SASH1: variants seen among roughly 807,000 people sequenced by gnomAD.
SASH1 encodes SAM and SH3 domain containing 1.
A neutral mutation model predicts 125.2 loss-of-function variants in SASH1; 44 were observed. The observed-to-expected ratio is 0.35, with a 90% CI of 0.28 to 0.45. The LOEUF (loss-of-function observed/expected upper bound fraction) is 0.45, where lower values mean the gene tolerates loss of function less well. Among genes scored for constraint, SASH1 ranks in the 20% least tolerant of loss-of-function variants. SASH1 has a pLI of 1.00. For synonymous variants in SASH1, 639 were observed against 649.1 expected (o/e 0.98, Z 0.24); for missense variants, 1,426 against 1,614.5 (o/e 0.88, Z 2.00).
chr6:148,467,376 A>G (rs968772002), intron 4 of SASH1, among the ~76,000 whole-genome samples: 2 of 151,290 alleles, frequency 1.3e-5, no homozygotes, highest in African/African-American at 4.9e-5. Context: ...ACCAATTTTA[A>G]CTTTCTTTGG....
rs1782841442 is a variant in SASH1, at chr6:148,550,849, T to G, written c.*2291T>G. The G allele has an allele frequency of 6.6e-6, 1 of 152,236 alleles. No individual in the cohort carries two copies. Among genetic ancestry groups the G allele is most frequent in the Admixed American group, 6.5e-5 (1 of 15,292 alleles). 9.4% of individuals were successfully genotyped at this position (152,236 alleles called of 1,614,324 possible). On this transcript the variant is annotated 3_prime_UTR_variant, in exon 20 of 20. Transcript: ENST00000367467. ...AGCAAAAAACCACACAAAAGTTGTG[T>G]AAGAGATGAGATAACAAAGGAGCGA...
intron 8 of SASH1, chr6:148,513,416 AT>A: frequency 1.0e-6 from 1 of 985,494 alleles, no homozygotes; most frequent in Non-Finnish European, 1.2e-6. Flanking sequence ...GAGATCTCTT[AT>A]GCTGTTTCAC....
chr6:148,320,609 A>C (rs1278360692), intron 1 of SASH1, among the ~76,000 whole-genome samples: 1 of 152,130 alleles, frequency 6.6e-6, no homozygotes, highest in Non-Finnish European at 1.5e-5. Context: ...TTTAAGTCCA[A>C]CCTCCTTCGC....
In SASH1 at chr6:148,471,465, G is replaced by A. The variant is rs575597604; in HGVS notation, c.476G>A (p.Arg159Gln). ...KKNKYFWQNF[R>Q]KNQKGIMRQT... ...AATAAGTATTTCTGGCAGAACTTCC[G>A]AAAGAACCAGAAAGGAATAATGAGA... The change falls in exon 6 of 20, where the codon CGA becomes CAA. Residue 159 changes from arginine to glutamine, a missense_variant. This residue lies in a region of SASH1 where 567 missense variants were observed against 575.6 expected (regional missense o/e 0.99). Transcript: ENST00000367467. The A allele has an allele frequency of 4.0e-6, 6 of 1,506,322 alleles. No individual in the cohort carries two copies. Among genetic ancestry groups the A allele is most frequent in the East Asian group, 2.6e-5 (1 of 38,124 alleles). 93.3% of individuals were successfully genotyped at this position (1,506,322 alleles called of 1,614,324 possible).
Position 148,519,931 on chromosome 6 carries a change from G to T in SASH1, c.1209+38G>T. The T allele has an allele frequency of 1.4e-6, 2 of 1,414,508 alleles. No individual in the cohort carries two copies. The highest frequency in any genetic ancestry group is 1.3e-5 in the South Asian group (1 of 77,260). 87.6% of individuals were successfully genotyped at this position (1,414,508 alleles called of 1,614,324 possible). A position where few individuals can be genotyped will look rare whatever the true frequency, so the allele number is the denominator to read the frequency against. ...GGTGTTTGCTTCTATGACAACCACC[G>T]TCGCAGGCACCACCTTCTGGTGTCC... On this transcript the variant is annotated intron_variant, in intron 10 of 19. Transcript: ENST00000367467. The surrounding 1 kb of genome is among the most constrained non-coding windows in gnomAD (Gnocchi z 4.8).
chr6:148,278,894 G>A (rs1285023228), intron 1 of SASH1: 1 of 152,082 alleles, frequency 6.6e-6, no homozygotes, highest in Non-Finnish European at 1.5e-5. Context: ...GCTCCCAAAT[G>A]CCAAGAAAAT....
chr6:148,452,784 C>T (rs748920689), intron 4 of SASH1, among the ~76,000 whole-genome samples: 48 of 152,242 alleles, frequency 3.2e-4, no homozygotes, highest in African/African-American at 1.1e-3. Flanking sequence ...GCTCATTAGA[C>T]GGTGCCATAC....
intron 8 of SASH1, among the ~76,000 whole-genome samples, chr6:148,496,030 T>C (rs915996982): frequency 1.3e-5 from 2 of 151,318 alleles, no homozygotes; most frequent in African/African-American, 4.9e-5. Flanking sequence ...TATTTTTTAG[T>C]AGAGACAGGG....
chr6:148,201,886 A>G, the SASH1 span, among the ~76,000 whole-genome samples: 5 of 152,088 alleles, frequency 3.3e-5, no homozygotes, highest in Non-Finnish European at 7.4e-5. Flanking sequence ...GGGATTGTGT[A>G]CTTGTGGCCC....
At chr6:148,251,966 A>C in the SASH1 span, among the ~76,000 whole-genome samples, 2 of 151,794 alleles carry the variant, frequency 1.3e-5, no homozygotes, top group Non-Finnish European at 2.9e-5. Flanking sequence ...GTTTACTGAG[A>C]ATGATGAGGA....
chr6:148,452,428 T>A (rs928375619), intron 4 of SASH1, among the ~76,000 whole-genome samples: 30 of 152,138 alleles, frequency 2.0e-4, no homozygotes, highest in African/African-American at 6.8e-4. Flanking sequence ...TGTTTTCTGC[T>A]CCAGTCTAAA....
intron 5 of SASH1, 115 bp from the exon 6 acceptor site, chr6:148,471,302 T>A: frequency 1.5e-6 from 1 of 665,662 alleles, no homozygotes; most frequent in Non-Finnish European, 2.5e-6. Flanking sequence ...TTTTGTGAAA[T>A]CAAAGTATTC....
At chr6:148,501,472 G>T (rs1018007431) in intron 8 of SASH1, among the ~76,000 whole-genome samples, 2 of 152,160 alleles carry the variant, frequency 1.3e-5, no homozygotes, top group Non-Finnish European at 2.9e-5. Context: ...CCTTGGGAAT[G>T]AGTGGGTTTG....
intron 1 of SASH1, among the ~76,000 whole-genome samples, chr6:148,273,412 G>A (rs1219247051): frequency 6.7e-6 from 1 of 150,318 alleles, no homozygotes; most frequent in Non-Finnish European, 1.5e-5. Flanking sequence ...TCCTGCCTTG[G>A]CCTCCTGAGT....
intron 1 of SASH1, among the ~76,000 whole-genome samples, chr6:148,307,062 TTCTTTC>T (rs1562316586): frequency 2.0e-5 from 3 of 147,368 alleles, no homozygotes; most frequent in Non-Finnish European, 4.5e-5. Flanking sequence ...CTTTCTTTCT[TTCTTTC>T]TTTCTTTCTT....
At chr6:148,268,143 A>C (rs1374342509), upstream of SASH1, among the ~76,000 whole-genome samples, 1 of 152,230 alleles carries the variant, frequency 6.6e-6, no homozygotes, top group Non-Finnish European at 1.5e-5. Context: ...AGAGATTTGC[A>C]ATGATAAGAA....
chr6:148,332,406 A>G (rs953657796), intron 1 of SASH1, among the ~76,000 whole-genome samples: 4 of 152,198 alleles, frequency 2.6e-5, no homozygotes, highest in Admixed American at 1.3e-4. Context: ...AAATTGGACT[A>G]TTTATAATCT....
In SASH1 at chr6:148,513,355, C is replaced by A. The variant is rs560978108; in HGVS notation, c.730-969C>A. 2.6e-5 allele frequency: 26 copies of A among 985,416 alleles called. No individual in the cohort carries two copies. The Admixed American group carries it at 4.3e-4, about 16-fold the overall frequency. 61.0% of individuals were successfully genotyped at this position (985,416 alleles called of 1,614,324 possible). The stretch of plus-strand genomic sequence containing the variant: ...ACCCACTGCACAGGGTGTGCCGAGG[C>A]GGCTGCTCCCAGGCATGCCCACGCA... On this transcript the variant is annotated intron_variant, in intron 8 of 19. Coordinates refer to ENST00000367467, the MANE Select transcript of SASH1 (RefSeq NM_015278.5).
At chr6:148,431,058 G>A (rs1004309813) in intron 2 of SASH1, among the ~76,000 whole-genome samples, 3 of 152,224 alleles carry the variant, frequency 2.0e-5, no homozygotes, top group Non-Finnish European at 4.4e-5. Context: ...CCATGCAGCC[G>A]TATGCTGGTA....
Sources: allele counts gnomAD v4.1 joint callset (sites outside exome capture counted in the v4.1 genomes callset), GRCh38; gene constraint gnomAD v4.1.1; regional missense constraint gnomAD v4.1.1; non-coding constraint Gnocchi (gnomAD v3.1); transcripts MANE v1.5; gene names NCBI Gene and HGNC (gene_info 2026-07-23, HGNC 2026-07-21).